The following AK8 variants were observed in gnomAD, a reference collection of about 807,000 sequenced individuals.
AK8 encodes the protein ATP-AMP transphosphorylase 8.
AK8 carries 44 observed loss-of-function variants against 54.6 expected under a neutral mutation model. That is an observed-to-expected ratio of 0.81 (90% CI 0.63 to 1.04). The LOEUF is 1.04. Among genes scored for constraint, AK8 ranks in the 50% least tolerant of loss-of-function variants. The pLI, the probability that AK8 is intolerant of heterozygous loss-of-function variation, is 0.00. For missense variants in AK8, 555 were observed against 613.6 expected, an observed-to-expected ratio of 0.90 and a Z score of 1.01; for synonymous variants, 239 against 245.6, an observed-to-expected ratio of 0.97 and a Z score of 0.25.
chr9:132,831,695 C>T (rs1842108644), intron 5 of AK8, among the ~76,000 whole-genome samples: 1 of 152,296 alleles, frequency 6.6e-6, no homozygotes, highest in East Asian at 1.9e-4. Context: ...AGGTCACTCA[C>T]GTCCATATCA....
At chr9:132,841,865 G>A (rs532952111) in intron 5 of AK8, among the ~76,000 whole-genome samples, 5 of 152,204 alleles carry the variant, frequency 3.3e-5, no homozygotes, top group African/African-American at 1.2e-4. Flanking sequence ...GAGGAATAGA[G>A]GAGGAGGAGA....
At chr9:132,821,364 A>C (rs1182283669) in intron 9 of AK8, among the ~76,000 whole-genome samples, 1 of 152,204 alleles carries the variant, frequency 6.6e-6, no homozygotes, top group African/African-American at 2.4e-5. Context: ...CGGAACAAAG[A>C]AGCCATCCCT....
intron 11 of AK8, among the ~76,000 whole-genome samples, chr9:132,740,147 C>G (rs547454999): frequency 6.6e-6 from 1 of 152,240 alleles, no homozygotes; most frequent in Non-Finnish European, 1.5e-5. Context: ...CACAGCAGCC[C>G]CCTAAGGCGG....
At chr9:132,820,613 G>A (rs111356770) in intron 9 of AK8, among the ~76,000 whole-genome samples, 3 of 152,320 alleles carry the variant, frequency 2.0e-5, no homozygotes, top group African/African-American at 4.8e-5. Context: ...CAGGGTTTGC[G>A]CAGTTAGTGC....
At chr9:132,873,368 G>A (rs1843940156) in intron 2 of AK8, among the ~76,000 whole-genome samples, 1 of 152,144 alleles carries the variant, frequency 6.6e-6, no homozygotes, top group African/African-American at 2.4e-5. Flanking sequence ...GCCAAAGAGA[G>A]CCACGATCTC....
chr9:132,746,205 G>A (rs1837644832), intron 11 of AK8, among the ~76,000 whole-genome samples: 1 of 152,148 alleles, frequency 6.6e-6, no homozygotes, highest in African/African-American at 2.4e-5. Context: ...ATTCACCTGA[G>A]CCAAGCACAT....
At chr9:132,766,313 T>C (rs1371542146) in intron 11 of AK8, among the ~76,000 whole-genome samples, 3 of 152,176 alleles carry the variant, frequency 2.0e-5, no homozygotes, top group Non-Finnish European at 2.9e-5. Flanking sequence ...GAGGTCTCTC[T>C]GTGTTGCCCA....
At chr9:132,835,808 C>A (rs1371848594) in intron 5 of AK8, among the ~76,000 whole-genome samples, 2 of 151,996 alleles carry the variant, frequency 1.3e-5, no homozygotes, top group Admixed American at 1.3e-4. Context: ...GACAACACAG[C>A]GAGACCCCGC....
intron 5 of AK8, among the ~76,000 whole-genome samples, chr9:132,839,268 C>T (rs906002221): frequency 6.6e-6 from 1 of 152,116 alleles, no homozygotes; most frequent in Non-Finnish European, 1.5e-5. Flanking sequence ...TCTTGATGGA[C>T]CAATTTTGCT....
chr9:132,775,538 A>G (rs1280791981), intron 11 of AK8, among the ~76,000 whole-genome samples: 1 of 152,108 alleles, frequency 6.6e-6, no homozygotes. Context: ...ACTGACCTCA[A>G]GTGATCTGCC....
rs141051468 is a variant in AK8, at chr9:132,813,950, T to C, written c.979+688A>G. Among the ~76,000 whole-genome samples, 99 of 152,242 alleles carry C rather than the reference T, an allele frequency of 6.5e-4. 1 individual carries two copies. The East Asian group carries it at 0.019, about 28-fold the overall frequency. On this transcript the variant is annotated intron_variant, in intron 10 of 12. Transcript: ENST00000298545. Reference sequence around the variant, plus strand: ...CTTCTAAGTGCTGATTAAATTGGAATATTTGCCCACAGTATTTTTATATAC... The same window carrying C: ...CTTCTAAGTGCTGATTAAATTGGAACATTTGCCCACAGTATTTTTATATAC...
chr9:132,832,978 G>A (rs1283537189), intron 5 of AK8, among the ~76,000 whole-genome samples: 1 of 152,144 alleles, frequency 6.6e-6, no homozygotes, highest in Admixed American at 6.5e-5. Context: ...TAAGAAACAA[G>A]GTCCCCGAGG....
chr9:132,734,855 C>G (rs1160156859), intron 11 of AK8, among the ~76,000 whole-genome samples: 1 of 152,148 alleles, frequency 6.6e-6, no homozygotes, highest in Non-Finnish European at 1.5e-5. Flanking sequence ...CATGGTGAAA[C>G]CCCATCTCTA....
At chr9:132,819,347 C>T (rs1588167720) in intron 9 of AK8, among the ~76,000 whole-genome samples, 1 of 152,292 alleles carries the variant, frequency 6.6e-6, no homozygotes, top group African/African-American at 2.4e-5. Flanking sequence ...AAATACTACG[C>T]CATTTTGTAT....
chr9:132,757,187 C>T (rs376288148), intron 11 of AK8, among the ~76,000 whole-genome samples: 3 of 151,980 alleles, frequency 2.0e-5, no homozygotes, highest in Non-Finnish European at 1.5e-5. Flanking sequence ...GAAGCTGCCA[C>T]GGGGACCTGG....
Position 132,804,104 on chromosome 9 carries a change from C to CA in AK8, c.979+10533dup, listed in dbSNP as rs200556575. On this transcript the variant is annotated intron_variant, in intron 10 of 12. Coordinates refer to ENST00000298545, the MANE Select transcript of AK8 (RefSeq NM_152572.3). Reference sequence around the variant, plus strand: ...CTGGGGACAGAGTGAGACTCCATCTCAAAAAAAAAAAAAAAAAAAAAAAGA... The same window carrying CA: ...CTGGGGACAGAGTGAGACTCCATCTCAAAAAAAAAAAAAAAAAAAAAAAAGA... Among the ~76,000 whole-genome samples, 880 of 92,362 alleles carry CA rather than the reference C, an allele frequency of 9.5e-3. 7 individuals carry two copies. Among genetic ancestry groups the CA allele is most frequent in the South Asian group, 0.019 (52 of 2,714 alleles). The allele number at this position is 92,362 out of a possible 152,430, so 60.6% of individuals were successfully genotyped here.
In AK8 at chr9:132,872,545, G is replaced by A. The variant is rs1396898384; in HGVS notation, c.169+2570C>T. 2.0e-5 allele frequency among the ~76,000 whole-genome samples: 3 copies of A among 152,000 alleles called. No homozygotes were observed. In the East Asian group the frequency reaches 5.8e-4, roughly 29 times the overall value. ...ATTCAAGATGAAGTCGTGGCACCAT[G>A]GCCTCTCACTCCTGGCCTCAAGCGA... is the stretch of plus-strand genomic sequence containing the variant. On this transcript the variant is annotated intron_variant, in intron 2 of 12. Transcript: ENST00000298545.
chr9:132,866,740 G>C (rs530858257), intron 3 of AK8, among the ~76,000 whole-genome samples, 164 bp downstream of exon 3: 1 of 152,108 alleles, frequency 6.6e-6, no homozygotes, highest in African/African-American at 2.4e-5. Flanking sequence ...GTAGTTTCTA[G>C]GTTTTCTGCT....
intron 11 of AK8, among the ~76,000 whole-genome samples, chr9:132,755,087 C>T (rs1838125489): frequency 6.6e-6 from 1 of 152,234 alleles, no homozygotes; most frequent in African/African-American, 2.4e-5. Context: ...GCATGAGCCA[C>T]CGTGCCCCAC....
Sources: gnomAD v4.1 joint callset for allele counts (sites outside exome capture counted in the v4.1 genomes callset) on GRCh38, gnomAD v4.1.1 for gene constraint, MANE v1.5 for transcripts, NCBI Gene and HGNC (gene_info 2026-07-23, HGNC 2026-07-21) for gene names.